The following DNAH11 variants were observed in gnomAD, a reference collection of about 807,000 sequenced individuals.
DNAH11 encodes dynein axonemal heavy chain 11, also known as axonemal beta dynein heavy chain 11.
Under a neutral mutation model 526.0 loss-of-function variants are expected in DNAH11, and 442 were observed. The observed-to-expected ratio is 0.84, with a 90% CI of 0.78 to 0.91. The LOEUF (loss-of-function observed/expected upper bound fraction) is 0.91. Ranked by LOEUF, DNAH11 falls within the 40% of genes least tolerant of loss-of-function variation. DNAH11 has a pLI of 0.00. For synonymous variants in DNAH11, 2,461 were observed against 1,935.9 expected (o/e 1.27, Z -7.12); for missense variants, 6,989 against 5,448.7 (o/e 1.28, Z -8.90).
At chr7:21,703,766 A>C (rs1304601781) in intron 37 of DNAH11, 2 of 152,208 alleles carry the variant, frequency 1.3e-5, no homozygotes, top group Non-Finnish European at 2.9e-5. Flanking sequence ...ACAACAACAA[A>C]AAACCCAAAA....
At chr7:21,743,694 G>A (rs189032246) in intron 49 of DNAH11, among the ~76,000 whole-genome samples, 186 of 152,282 alleles carry the variant, frequency 1.2e-3, no homozygotes, top group African/African-American at 4.3e-3. Flanking sequence ...GCTTAATACC[G>A]TGCTGTTTAA....
intron 25 of DNAH11, among the ~76,000 whole-genome samples, chr7:21,634,150 A>G (rs1786750402): frequency 6.6e-6 from 1 of 152,232 alleles, no homozygotes. Flanking sequence ...GAGAGATGAC[A>G]CTTATTATTG....
At chr7:21,829,355 A>G (rs144210882) in intron 65 of DNAH11, among the ~76,000 whole-genome samples, 1 of 152,152 alleles carries the variant, frequency 6.6e-6, no homozygotes, top group African/African-American at 2.4e-5. Context: ...TTCAGAGAAC[A>G]TGTTGGCTAT....
intron 8 of DNAH11, among the ~76,000 whole-genome samples, chr7:21,580,736 TTATTACC>T (rs937108258): frequency 2.6e-5 from 4 of 152,208 alleles, no homozygotes; most frequent in African/African-American, 9.7e-5. Context: ...GGTCCCACAC[TTATTACC>T]TAGTCACCCC....
chr7:21,629,075 T>C (rs1357992433), intron 25 of DNAH11, among the ~76,000 whole-genome samples: 1 of 152,146 alleles, frequency 6.6e-6, no homozygotes, highest in Non-Finnish European at 1.5e-5. Context: ...TGGCTTTTAC[T>C]GTATCACATA....
At chr7:21,900,851 A>C in intron 81 of DNAH11, 156 bp from the exon 82 acceptor site, 1 of 1,287,614 alleles carries the variant, frequency 7.8e-7, no homozygotes, top group Admixed American at 2.5e-5. Flanking sequence ...CCTACCTTTC[A>C]AAGCTCAGTC....
intron 14 of DNAH11, among the ~76,000 whole-genome samples, chr7:21,592,951 A>G (rs747593052): frequency 4.0e-4 from 61 of 152,314 alleles, no homozygotes; most frequent in Non-Finnish European, 7.1e-4. Context: ...CATTTTGAGT[A>G]GACTAGAATT....
chr7:21,636,680 A>G lies in DNAH11; in HGVS notation c.4725+585A>G, dbSNP rs1405895675. On this transcript the variant is annotated intron_variant, in intron 26 of 81. Transcript: ENST00000409508. ...TTGAGCCAAGGTAGTTTGAGGTTGC[A>G]GTGAGCTATGACTGCAGCACTGCAC... 2.0e-5 allele frequency among the ~76,000 whole-genome samples: 3 copies of G among 152,162 alleles called. No homozygotes were observed. In the East Asian group the frequency reaches 5.8e-4, roughly 29 times the overall value.
At position 21,731,479 on chromosome 7, in the gene DNAH11, A is replaced by G. The variant is rs149665755; in HGVS notation, c.7441-4161A>G. 5.8e-3 allele frequency among the ~76,000 whole-genome samples: 880 copies of G among 152,324 alleles called. 6 individuals are homozygous for G. Among genetic ancestry groups the G allele is most frequent in the Non-Finnish European group, 0.01 (700 of 68,022 alleles). The stretch of plus-strand genomic sequence containing the variant: ...CACAGCAGTAAGAAAAATTACCTAG[A>G]CCTAGATACACCAATATCAGCATAT... On this transcript the variant is annotated intron_variant, in intron 45 of 81. Coordinates refer to ENST00000409508, the MANE Select transcript of DNAH11 (RefSeq NM_001277115.2).
chr7:21,732,009 A>G (rs762246493), intron 45 of DNAH11, among the ~76,000 whole-genome samples: 3 of 152,228 alleles, frequency 2.0e-5, no homozygotes, highest in Non-Finnish European at 4.4e-5. Flanking sequence ...AAAACAGTAT[A>G]TATGGGGTTC....
intron 28 of DNAH11, among the ~76,000 whole-genome samples, chr7:21,648,784 TTAAAA>T (rs1787489367): frequency 6.6e-6 from 1 of 152,244 alleles, no homozygotes; most frequent in African/African-American, 2.4e-5. Flanking sequence ...TGCTACTGAT[TTAAAA>T]TAAAATATTT....
chr7:21,685,432 T>A (rs1324454879), intron 32 of DNAH11, among the ~76,000 whole-genome samples: 2 of 152,224 alleles, frequency 1.3e-5, no homozygotes, highest in African/African-American at 4.8e-5. Context: ...GAAAGGAAGA[T>A]GAAAGTTCAT....
Position 21,744,890 on chromosome 7 carries a change from G to A in DNAH11, c.8337G>A (p.Leu2779=). 1.9e-6 allele frequency: 3 copies of A among 1,609,958 alleles called. No homozygotes were observed. Among genetic ancestry groups the A allele is most frequent in the East Asian group, 2.2e-5 (1 of 44,772 alleles). The change falls in exon 51 of 82, where the codon CTG becomes CTA. Residue 2779 remains leucine, a synonymous_variant. Transcript: ENST00000409508. The part of the protein sequence containing the change: ...KYFEGIDSHM[L]LQQPLIYCHF... ...TGCAGGGTATAGATAGTCACATGCT[G>A]CTTCAACAGCCCCTCATTTATTGCC...
At chr7:21,818,196 C>G in intron 64 of DNAH11, 21 bp from the exon 65 acceptor site, 2 of 1,605,028 alleles carry the variant, frequency 1.2e-6, no homozygotes, top group Non-Finnish European at 1.7e-6. Context: ...TTTATTATCT[C>G]AAATCCCACT....
intron 20 of DNAH11, among the ~76,000 whole-genome samples, chr7:21,612,748 T>C (rs1785583642): frequency 6.6e-6 from 1 of 152,004 alleles, no homozygotes. Context: ...AAAATATAGA[T>C]CAGTCTTTCT....
At chr7:21,772,905 G>A (rs1430604913) in intron 55 of DNAH11, among the ~76,000 whole-genome samples, 1 of 152,128 alleles carries the variant, frequency 6.6e-6, no homozygotes, top group East Asian at 1.9e-4. Flanking sequence ...TGCATCACCA[G>A]CCACGTGTGT....
At chr7:21,622,623 T>C (rs1197425319) in intron 25 of DNAH11, among the ~76,000 whole-genome samples, 3 of 151,930 alleles carry the variant, frequency 2.0e-5, no homozygotes, top group East Asian at 1.9e-4. Flanking sequence ...AAAACAGATA[T>C]AGATCAATGG....
chr7:21,881,450 G>A (rs1358079130), intron 75 of DNAH11, among the ~76,000 whole-genome samples: 1 of 152,148 alleles, frequency 6.6e-6, no homozygotes. Flanking sequence ...TTATTTCGTA[G>A]CTAAAATGTG....
rs115438707 is a variant in DNAH11, at chr7:21,682,886, C to T, written c.5461-898C>T. Among the ~76,000 whole-genome samples, 1,192 of 152,240 alleles carry T rather than the reference C, an allele frequency of 7.8e-3. 20 individuals are homozygous for T. Among genetic ancestry groups the T allele is most frequent in the African/African-American group, 0.027 (1,134 of 41,536 alleles). On this transcript the variant is annotated intron_variant, in intron 31 of 81. Transcript: ENST00000409508. ...ATCCAGCTTCAGGACCACTAGTGAG[C>T]AATATTCTTTAATTGCTAGTCCAAA... is the stretch of plus-strand genomic sequence containing the variant.
Sources: allele counts gnomAD v4.1 joint callset (sites outside exome capture counted in the v4.1 genomes callset), GRCh38; gene constraint gnomAD v4.1.1; transcripts MANE v1.5; gene names NCBI Gene and HGNC (gene_info 2026-07-23, HGNC 2026-07-21).